PIP4K2B: variants seen among roughly 807,000 people sequenced by gnomAD.
The protein encoded by PIP4K2B is phosphatidylinositol-5-phosphate 4-kinase type 2 beta.
PIP4K2B carries 3 observed loss-of-function variants against 42.0 expected under a neutral mutation model. That is an observed-to-expected ratio of 0.07 (90% CI 0.03 to 0.18). The LOEUF is 0.18. PIP4K2B is among the 10% of genes least tolerant of loss of function. The pLI is 1.00. For missense variants in PIP4K2B, 332 were observed against 562.3 expected (o/e 0.59, Z 4.14); for synonymous variants, 204 against 210.1 (o/e 0.97, Z 0.25).
At chr17:38,780,663 C>T in intron 3 of PIP4K2B, 59 bp from the exon 4 acceptor site, 1 of 1,553,976 alleles carries the variant, frequency 6.4e-7, no homozygotes, top group Non-Finnish European at 8.8e-7. Context: ...CTGACTTTCG[C>T]TGAGTCTTCC....
chr17:38,777,717 G>T lies in PIP4K2B; in HGVS notation c.777C>A (p.Asn259Lys). The change falls in exon 7 of 10, where the codon AAC (asparagine) becomes AAA (lysine). Residue 259 changes from asparagine to lysine, a missense_variant. Transcript: ENST00000619039. ...KLHVGEESKK[N>K]FLEKLKRDVE... ...CGTCCCGCTTCAGTTTCTCCAGGAA[G>T]TTCTTTTTACTCTCCTCTCCCACAT... 1 of 1,613,848 alleles carries T rather than the reference G, an allele frequency of 6.2e-7. No individual in the cohort carries two copies. The highest frequency in any genetic ancestry group is 1.1e-5 in the South Asian group (1 of 91,078).
chr17:38,779,321 G>C, intron 5 of PIP4K2B, 62 bp downstream of exon 5: 1 of 1,506,612 alleles, frequency 6.6e-7, no homozygotes, highest in Non-Finnish European at 9.2e-7. Flanking sequence ...AGTTGGAGTA[G>C]TGGCCCCTTC....
intron 4 of PIP4K2B, 93 bp from the exon 5 acceptor site, chr17:38,779,622 C>T (rs1031469554): frequency 3.5e-5 from 40 of 1,151,846 alleles, no homozygotes; most frequent in Non-Finnish European, 5.0e-5. Context: ...CCCTGGCTCC[C>T]TGGGATTCTA....
rs550141605 is a variant in PIP4K2B, at chr17:38,784,654, G to A, written c.258-315C>T. On this transcript the variant is annotated intron_variant, in intron 2 of 9. Transcript: ENST00000619039. ...CTCTTAGGAATTCTGGAGTTGAGTC[G>A]AAAAACAAACACTCCAGGTGATTCT... 7.2e-5 allele frequency among the ~76,000 whole-genome samples: 11 copies of A among 152,158 alleles called. No individual in the cohort carries two copies. In the South Asian group the frequency reaches 8.3e-4, roughly 11 times the overall value.
Position 38,769,477 on chromosome 17 carries a change from G to C in PIP4K2B, c.*214C>G. The C allele has an allele frequency of 1.8e-6, 1 of 561,178 alleles. No individual in the cohort carries two copies. Among genetic ancestry groups the C allele is most frequent in the Non-Finnish European group, 3.2e-6 (1 of 313,486 alleles). The allele number at this position is 561,178 out of a possible 1,614,324, so 34.8% of individuals were successfully genotyped here. On this transcript the variant is annotated 3_prime_UTR_variant, in exon 10 of 10. Coordinates refer to ENST00000619039, the MANE Select transcript of PIP4K2B (RefSeq NM_003559.5). The stretch of plus-strand genomic sequence containing the variant: ...AAATCAAGGGTAAGCAGAAGGTGGG[G>C]TTACATCCTGTGAGCAGGTGCACAC...
At chr17:38,777,319 C>G (rs1909417720) in intron 7 of PIP4K2B, among the ~76,000 whole-genome samples, 1 of 152,204 alleles carries the variant, frequency 6.6e-6, no homozygotes, top group African/African-American at 2.4e-5. Flanking sequence ...CCCACCTCAG[C>G]CTCCCAAAAT....
chr17:38,788,896 T>C (rs1355355322), intron 1 of PIP4K2B, among the ~76,000 whole-genome samples: 4 of 149,154 alleles, frequency 2.7e-5, no homozygotes, highest in South Asian at 2.1e-4. Flanking sequence ...TAAGGTATAG[T>C]GGGCCGAGAT....
At chr17:38,776,240 G>C (rs1335442084) in intron 7 of PIP4K2B, among the ~76,000 whole-genome samples, 1 of 152,072 alleles carries the variant, frequency 6.6e-6, no homozygotes, top group African/African-American at 2.4e-5. Context: ...AAAGTGCTGG[G>C]ATTACAGGCA....
At chr17:38,778,470 T>A in intron 5 of PIP4K2B, 98 bp from the exon 6 acceptor site, 6 of 1,087,116 alleles carry the variant, frequency 5.5e-6, no homozygotes, top group Non-Finnish European at 8.6e-6. Context: ...AGTAGGCTTG[T>A]TAGAGTCCTA....
At chr17:38,788,901 C>T (rs554987614) in intron 1 of PIP4K2B, among the ~76,000 whole-genome samples, 3 of 150,344 alleles carry the variant, frequency 2.0e-5, no homozygotes, top group East Asian at 2.0e-4. Context: ...TATAGTGGGC[C>T]GAGATCGCGC....
At chr17:38,787,029 C>G (rs1468951220) in intron 1 of PIP4K2B, 109 bp from the exon 2 acceptor site, 3 of 785,122 alleles carry the variant, frequency 3.8e-6, no homozygotes, top group Non-Finnish European at 6.7e-6. Context: ...TCCAAGTTTC[C>G]CTCTCTGTCT....
At chr17:38,787,817 T>TG (rs1910118605) in intron 1 of PIP4K2B, among the ~76,000 whole-genome samples, 1 of 152,156 alleles carries the variant, frequency 6.6e-6, no homozygotes, top group Non-Finnish European at 1.5e-5. Context: ...AGGCTGGTCT[T>TG]GAACTCTTGA....
At position 38,794,609 on chromosome 17, in the gene PIP4K2B, T is replaced by TA. The variant is rs34374571; in HGVS notation, c.159+4656dup. Among the ~76,000 whole-genome samples the TA allele has an allele frequency of 3.9e-3, 132 of 34,154 alleles. 2 individuals are homozygous for TA. Among genetic ancestry groups the TA allele is most frequent in the African/African-American group, 6.9e-3 (48 of 6,932 alleles). 22.4% of individuals were successfully genotyped at this position (34,154 alleles called of 152,430 possible). A position where few individuals can be genotyped will look rare whatever the true frequency, so the allele number is the denominator to read the frequency against. On this transcript the variant is annotated intron_variant, in intron 1 of 9. Transcript: ENST00000619039. Reference sequence around the variant, plus strand: ...GCAATACAGAGAAACCCCAATTCATTAAAAAAAAAAAAAAAAAAAAAAAGA... The same window carrying TA: ...GCAATACAGAGAAACCCCAATTCATTAAAAAAAAAAAAAAAAAAAAAAAAGA...
chr17:38,770,524 T>A lies in PIP4K2B; in HGVS notation c.1082A>T (p.Glu361Val). ...ATCAATGATGGCCATGAAATACACC[T>A]CCTTCTTGGGGGAACCTGGAGGGAC... ...MKSHESSPKK[E>V]VYFMAIIDIL... Residue 361 changes from glutamate (E) to valine (V), a missense_variant, in exon 9 of 10, where the codon GAG becomes GTG. Glu to Val is a moderately radical substitution (Grantham distance 121). Around this residue, in one of 6 missense-constraint regions of PIP4K2B, gnomAD observed 63 missense variants for 71.6 expected, o/e 0.88. Transcript: ENST00000619039. 6.2e-7 allele frequency: 1 copy of A among 1,600,094 alleles called. No homozygotes were observed. The highest frequency in any genetic ancestry group is 8.6e-7 in the Non-Finnish European group (1 of 1,167,894).
At position 38,799,204 on chromosome 17, in the gene PIP4K2B, G is replaced by T. The variant is rs1231915232; in HGVS notation, c.159+62C>A. ...CAGGGCCTGCGGGGCAAGGGCCCAGGGCTGCAGGGGGCGTGGGAGCGCGCG... is the reference window on the plus strand; with the variant it reads ...CAGGGCCTGCGGGGCAAGGGCCCAGTGCTGCAGGGGGCGTGGGAGCGCGCG... On this transcript the variant is annotated intron_variant, in intron 1 of 9. Transcript: ENST00000619039. The surrounding 1 kb of genome is among the most constrained non-coding windows in gnomAD (Gnocchi z 4.4). 7.6e-5 allele frequency: 114 copies of T among 1,502,968 alleles called. No homozygotes were observed. The highest frequency in any genetic ancestry group is 5.3e-6 in the Non-Finnish European group (6 of 1,131,862). The allele number at this position is 1,502,968 out of a possible 1,614,324, so 93.1% of individuals were successfully genotyped here.
intron 5 of PIP4K2B, 146 bp downstream of exon 5, chr17:38,779,237 A>C: frequency 1.3e-6 from 1 of 752,700 alleles, no homozygotes; most frequent in Middle Eastern, 4.1e-4. Flanking sequence ...TTTGGTCCAC[A>C]AGAATCAGGC....
Position 38,779,539 on chromosome 17 carries a change from A to G in PIP4K2B, c.508-10T>C, listed in dbSNP as rs1423515933. 2 of 1,611,388 alleles carry G rather than the reference A, an allele frequency of 1.2e-6. No homozygotes were observed. The highest frequency in any genetic ancestry group is 1.7e-6 in the Non-Finnish European group (2 of 1,177,576). ...GACACTCCACTATAAACTAGAATGG[A>G]AAGGAAGAAGAGAGAGGACTAAGGA... On this transcript the variant is annotated splice_polypyrimidine_tract_variant and intron_variant, in intron 4 of 9. Coordinates refer to ENST00000619039, the MANE Select transcript of PIP4K2B (RefSeq NM_003559.5).
chr17:38,795,078 C>T (rs1174877961), intron 1 of PIP4K2B, among the ~76,000 whole-genome samples: 3 of 109,254 alleles, frequency 2.7e-5, no homozygotes, highest in African/African-American at 7.3e-5. Flanking sequence ...CCAGCCAGGG[C>T]GACAGAGCAA....
intron 1 of PIP4K2B, among the ~76,000 whole-genome samples, chr17:38,791,637 G>A (rs1910348192): frequency 6.7e-6 from 1 of 150,128 alleles, no homozygotes; most frequent in Admixed American, 6.6e-5. Flanking sequence ...TCGAACTCCC[G>A]ACCTTAGGAG....
Sources: gnomAD v4.1 joint callset for allele counts (sites outside exome capture counted in the v4.1 genomes callset) on GRCh38, gnomAD v4.1.1 for gene constraint, gnomAD v4.1.1 regional missense constraint, Gnocchi (gnomAD v3.1) non-coding constraint, MANE v1.5 for transcripts, NCBI Gene and HGNC (gene_info 2026-07-23, HGNC 2026-07-21) for gene names.